RNF2: variants seen among roughly 807,000 people sequenced by gnomAD.
RNF2 encodes E3 ubiquitin-protein ligase RING2.
RNF2 carries 6 observed loss-of-function variants against 37.2 expected under a neutral mutation model. That is an observed-to-expected ratio of 0.16 (90% CI 0.09 to 0.32). RNF2 has a LOEUF of 0.32. Among genes scored for constraint, RNF2 ranks in the 10% least tolerant of loss-of-function variants. RNF2 has a pLI of 1.00. For synonymous variants in RNF2, 133 were observed against 132.7 expected (o/e 1.00, Z -0.02); for missense variants, 251 against 404.0 (o/e 0.62, Z 3.25).
chr1:185,094,359 G>T (rs908253731), intron 4 of RNF2, among the ~76,000 whole-genome samples: 1 of 152,008 alleles, frequency 6.6e-6, no homozygotes, highest in South Asian at 2.1e-4. Context: ...GGCGAGGCTG[G>T]TCTCAACTCC....
chr1:185,055,673 G>A lies in RNF2; in HGVS notation c.-3+10024G>A, dbSNP rs182505441. ...TGATTTCAAGTGATCCATCTGCCTT[G>A]GCCTTCCGAAGTCTGGGATTACGAG... On this transcript the variant is annotated intron_variant, in intron 1 of 6. Coordinates refer to ENST00000367510, the MANE Select transcript of RNF2 (RefSeq NM_007212.4). Among the ~76,000 whole-genome samples the A allele has an allele frequency of 5.5e-3, 833 of 152,260 alleles. 11 individuals are homozygous for A. The highest frequency in any genetic ancestry group is 6.2e-3 in the Non-Finnish European group (424 of 68,016).
chr1:185,073,885 A>G (rs1651062819), intron 1 of RNF2, among the ~76,000 whole-genome samples: 1 of 152,232 alleles, frequency 6.6e-6, no homozygotes, highest in South Asian at 2.1e-4. Flanking sequence ...TTCAGTGGTT[A>G]CGCTACTCAG....
intron 5 of RNF2, among the ~76,000 whole-genome samples, chr1:185,099,473 ATGTTCCTT>A (rs1490973672): frequency 6.6e-6 from 1 of 152,124 alleles, no homozygotes; most frequent in Non-Finnish European, 1.5e-5. Flanking sequence ...TTTGGGGGGT[ATGTTCCTT>A]TTTTTCCCCT....
At chr1:185,095,868 T>G (rs1651896921) in intron 4 of RNF2, among the ~76,000 whole-genome samples, 1 of 152,236 alleles carries the variant, frequency 6.6e-6, no homozygotes, top group Non-Finnish European at 1.5e-5. Flanking sequence ...TTCACATTCC[T>G]CATTTCTTTT....
At chr1:185,091,775 T>C (rs751093217) in intron 3 of RNF2, 36 bp downstream of exon 3, 38 of 1,548,766 alleles carry the variant, frequency 2.5e-5, no homozygotes, top group Middle Eastern at 1.7e-4. Context: ...AGGTACTTAA[T>C]TGTACCACGA....
rs192767707 is a variant in RNF2, at chr1:185,098,242, C to T, written c.635C>T (p.Ala212Val). 2 of 1,614,148 alleles carry T rather than the reference C, an allele frequency of 1.2e-6. No individual in the cohort carries two copies. The highest frequency in any genetic ancestry group is 2.2e-5 in the East Asian group (1 of 44,880). The part of the protein sequence containing the change: ...DSGLELDNNN[A>V]AMAIDPVMDG... ...GGGCTAGAGCTTGATAATAACAATG[C>T]AGCAATGGCAATTGATCCAGTAATG... Residue 212 changes from alanine (A) to valine (V), a missense_variant, in exon 5 of 7, where the codon GCA becomes GTA. Coordinates refer to ENST00000367510, the MANE Select transcript of RNF2 (RefSeq NM_007212.4).
At chr1:185,095,002 T>C (rs1347083820) in intron 4 of RNF2, among the ~76,000 whole-genome samples, 1 of 152,196 alleles carries the variant, frequency 6.6e-6, no homozygotes, top group Non-Finnish European at 1.5e-5. Context: ...GCTTTTAAGT[T>C]TCCATAGATA....
chr1:185,051,077 G>A (rs1208270938), intron 1 of RNF2, among the ~76,000 whole-genome samples: 2 of 152,112 alleles, frequency 1.3e-5, no homozygotes, highest in African/African-American at 4.8e-5. Context: ...TTTTAGAAGT[G>A]TTCTGCTTGT....
At chr1:185,091,791 C>T in intron 3 of RNF2, 52 bp downstream of exon 3, 1 of 1,439,780 alleles carries the variant, frequency 6.9e-7, no homozygotes, top group Non-Finnish European at 9.5e-7. Context: ...CACGAAAGTG[C>T]TTTCCAGGGT....
At chr1:185,071,667 T>G (rs895325132) in intron 1 of RNF2, 1 of 168,616 alleles carries the variant, frequency 5.9e-6, no homozygotes, top group African/African-American at 2.4e-5. Context: ...GGTCACCCAG[T>G]TCTTTGATAG....
chr1:185,070,208 C>A (rs1049152526), intron 1 of RNF2, among the ~76,000 whole-genome samples: 5 of 152,234 alleles, frequency 3.3e-5, no homozygotes, highest in South Asian at 2.1e-4. Context: ...ATATGAATAT[C>A]TCATTCAGTT....
At chr1:185,079,535 C>T (rs925886328) in intron 1 of RNF2, among the ~76,000 whole-genome samples, 11 of 152,200 alleles carry the variant, frequency 7.2e-5, no homozygotes, top group African/African-American at 2.4e-4. Flanking sequence ...CTGCTTTCTT[C>T]AGCCTTTTTC....
At chr1:185,084,066 C>T (rs929001635) in intron 1 of RNF2, among the ~76,000 whole-genome samples, 16 of 152,008 alleles carry the variant, frequency 1.1e-4, no homozygotes, top group African/African-American at 3.4e-4. Flanking sequence ...CTTAGCCTCC[C>T]AAGTACCTAA....
At chr1:185,096,834 ATT>A (rs748099631) in intron 4 of RNF2, among the ~76,000 whole-genome samples, 50 of 126,902 alleles carry the variant, frequency 3.9e-4, no homozygotes, top group Admixed American at 4.7e-4. Context: ...TATAAGCAGG[ATT>A]TTTTTTTTTT....
intron 1 of RNF2, among the ~76,000 whole-genome samples, chr1:185,078,618 GCT>G (rs1032513481): frequency 1.3e-5 from 2 of 152,146 alleles, no homozygotes; most frequent in African/African-American, 4.8e-5. Context: ...TGGCGCAGTG[GCT>G]CACTCCTCCA....
intron 4 of RNF2, among the ~76,000 whole-genome samples, chr1:185,096,986 T>C (rs1557975726): frequency 6.6e-6 from 1 of 152,200 alleles, no homozygotes; most frequent in African/African-American, 2.4e-5. Flanking sequence ...ATATTCCTTT[T>C]TTCTTATCTA....
intron 1 of RNF2, among the ~76,000 whole-genome samples, chr1:185,065,764 A>C (rs941698007): frequency 3.3e-5 from 5 of 152,338 alleles, no homozygotes; most frequent in Admixed American, 3.3e-4. Context: ...GAAGTCAGCG[A>C]GAGCAAGAAA....
chr1:185,083,859 G>A (rs750771376), intron 1 of RNF2, among the ~76,000 whole-genome samples: 1 of 149,832 alleles, frequency 6.7e-6, no homozygotes, highest in Non-Finnish European at 1.5e-5. Flanking sequence ...TACCTGTCTC[G>A]GCCTCCCAAA....
chr1:185,072,059 T>G (rs1226734688), intron 1 of RNF2: 2 of 152,522 alleles, frequency 1.3e-5, no homozygotes, highest in African/African-American at 4.8e-5. Flanking sequence ...GGGGTTGCTG[T>G]CATCATGGGA....
Sources: gnomAD v4.1 joint callset for allele counts (sites outside exome capture counted in the v4.1 genomes callset) on GRCh38, gnomAD v4.1.1 for gene constraint, MANE v1.5 for transcripts, NCBI Gene and HGNC (gene_info 2026-07-23, HGNC 2026-07-21) for gene names.